ATL1: variants seen among roughly 807,000 people sequenced by gnomAD.
ATL1 encodes the protein atlastin-1.
Under a neutral mutation model 75.5 loss-of-function variants are expected in ATL1, and 31 were observed. The observed-to-expected ratio is 0.41, with a 90% CI of 0.31 to 0.55. The LOEUF (loss-of-function observed/expected upper bound fraction) is 0.55, where lower values mean the gene tolerates loss of function less well. Ranked by LOEUF, ATL1 falls within the 20% of genes least tolerant of loss-of-function variation. The pLI is 0.27. For synonymous variants in ATL1, 226 were observed against 233.3 expected, an observed-to-expected ratio of 0.97 and a Z score of 0.28; for missense variants, 405 against 662.6, an observed-to-expected ratio of 0.61 and a Z score of 4.27.
At chr14:50,613,449 A>G in intron 7 of ATL1, 98 bp downstream of exon 7, 2 of 863,108 alleles carry the variant, frequency 2.3e-6, no homozygotes, top group Admixed American at 1.9e-5. Context: ...CACTAGCCGC[A>G]ATCTCATTTG....
intron 5 of ATL1, among the ~76,000 whole-genome samples, chr14:50,594,881 C>A (rs149235529): frequency 1.4e-3 from 210 of 151,898 alleles, no homozygotes; most frequent in Admixed American, 4.0e-3. Flanking sequence ...TGCCTGTGGT[C>A]CCAGCTATTC....
At chr14:50,587,410 T>G (rs1200439081) in intron 1 of ATL1, among the ~76,000 whole-genome samples, 1 of 152,158 alleles carries the variant, frequency 6.6e-6, no homozygotes, top group East Asian at 1.9e-4. Flanking sequence ...CTTTCTTTCT[T>G]TTTTTCTTTT....
Position 50,621,861 on chromosome 14 carries a change from C to G in ATL1, c.1009C>G (p.Gln337Glu). Residue 337 changes from glutamine to glutamate, a missense_variant, in exon 10 of 14, where the codon CAA becomes GAA. Physicochemically the swap from Gln to Glu is conservative, Grantham distance 29 (BLOSUM62 2). This residue lies in a region of ATL1 where 56 missense variants were observed against 66.6 expected (regional missense o/e 0.84). Coordinates refer to ENST00000358385, the MANE Select transcript of ATL1 (RefSeq NM_015915.5). ...EYFKAYIKIYQGEELPHPKSM... is the reference protein window; with the variant it reads ...EYFKAYIKIYEGEELPHPKSM... Reference sequence around the variant, plus strand: ...TTTTTAGGCTTATATAAAGATCTATCAAGGTGAAGAATTACCACATCCCAA... The same window carrying G: ...TTTTTAGGCTTATATAAAGATCTATGAAGGTGAAGAATTACCACATCCCAA... The G allele has an allele frequency of 6.3e-7, 1 of 1,596,424 alleles. No individual in the cohort carries two copies. Among genetic ancestry groups the G allele is most frequent in the East Asian group, 2.2e-5 (1 of 44,692 alleles).
chr14:50,586,365 C>G (rs1436767732), intron 1 of ATL1, among the ~76,000 whole-genome samples: 2 of 152,062 alleles, frequency 1.3e-5, no homozygotes, highest in Non-Finnish European at 2.9e-5. Flanking sequence ...TTGTAAGGGT[C>G]TTCCTCCTGG....
chr14:50,629,256 G>A (rs2039553769), intron 12 of ATL1, among the ~76,000 whole-genome samples: 1 of 152,092 alleles, frequency 6.6e-6, no homozygotes, highest in South Asian at 2.1e-4. Flanking sequence ...CCTGTAGGCA[G>A]CAGGTAATAG....
intron 10 of ATL1, among the ~76,000 whole-genome samples, chr14:50,622,547 T>C (rs993731656): frequency 1.3e-5 from 2 of 151,248 alleles, no homozygotes; most frequent in African/African-American, 4.9e-5. Context: ...AAGCCTGTAG[T>C]CCCAGCTACT....
Position 50,620,726 on chromosome 14 carries a change from G to T in ATL1, c.990G>T (p.Lys330Asn). Residue 330 changes from lysine (K) to asparagine (N), a missense_variant and splice_region_variant, in exon 9 of 14, where the codon AAG becomes AAT. Transcript: ENST00000358385. The part of the protein sequence containing the change: ...ITCRGLVEYF[K>N]AYIKIYQGEE... ...GCCGGGGTCTGGTGGAGTACTTCAA[G>T]GTATCACTCTCATTTCTAGAGCATT... 1 of 1,613,100 alleles carries T rather than the reference G, an allele frequency of 6.2e-7. No homozygotes were observed. Among genetic ancestry groups the T allele is most frequent in the Non-Finnish European group, 8.5e-7 (1 of 1,179,352 alleles).
intron 8 of ATL1, among the ~76,000 whole-genome samples, chr14:50,615,681 T>C (rs2039408094): frequency 6.6e-6 from 1 of 152,334 alleles, no homozygotes; most frequent in Non-Finnish European, 1.5e-5. Context: ...TCCAACCCAC[T>C]AGTGGATGCA....
chr14:50,555,694 A>G (rs2038757544), upstream of ATL1, among the ~76,000 whole-genome samples: 1 of 152,234 alleles, frequency 6.6e-6, no homozygotes, highest in Admixed American at 6.5e-5. Context: ...TAATTTTTAT[A>G]GTAGCCAAAG....
At chr14:50,567,479 C>G (rs1467803419) in intron 1 of ATL1, among the ~76,000 whole-genome samples, 3 of 152,094 alleles carry the variant, frequency 2.0e-5, no homozygotes, top group Non-Finnish European at 2.9e-5. Context: ...GGTATATACC[C>G]AGAAGTGGAA....
intron 1 of ATL1, among the ~76,000 whole-genome samples, chr14:50,585,907 T>C (rs1337437702): frequency 6.6e-6 from 1 of 152,202 alleles, no homozygotes; most frequent in Non-Finnish European, 1.5e-5. Context: ...TGGTCTGTTG[T>C]CTCTAGATGC....
intron 2 of ATL1, among the ~76,000 whole-genome samples, chr14:50,590,722 T>C (rs528116732): frequency 6.6e-6 from 1 of 152,316 alleles, no homozygotes; most frequent in East Asian, 1.9e-4. Flanking sequence ...AATGATATCT[T>C]TTCATTTTTA....
At chr14:50,595,206 TA>T (rs2039202720) in intron 5 of ATL1, among the ~76,000 whole-genome samples, 1 of 152,154 alleles carries the variant, frequency 6.6e-6, no homozygotes. Context: ...GTTCTGCTTC[TA>T]AAGGTCATTT....
chr14:50,580,551 C>T (rs1416923719), intron 1 of ATL1, among the ~76,000 whole-genome samples: 1 of 151,970 alleles, frequency 6.6e-6, no homozygotes. Context: ...CCTTGAATTC[C>T]TATAATAGAT....
chr14:50,547,062 A>G (rs546002701), intron 1 of ATL1, among the ~76,000 whole-genome samples: 3 of 152,174 alleles, frequency 2.0e-5, no homozygotes, highest in South Asian at 2.1e-4. Flanking sequence ...ACATGGACAC[A>G]GGGGGAGGGG....
At chr14:50,588,146 T>C in intron 2 of ATL1, 68 bp downstream of exon 2, 1 of 1,595,486 alleles carries the variant, frequency 6.3e-7, no homozygotes, top group Non-Finnish European at 8.6e-7. Flanking sequence ...TTTTATTTCA[T>C]GGTGTTCAAA....
intron 2 of ATL1, among the ~76,000 whole-genome samples, chr14:50,589,155 CTTTTT>C (rs34191629): frequency 1.8e-5 from 2 of 109,428 alleles, no homozygotes; most frequent in Non-Finnish European, 3.7e-5. Context: ...TTCTTTCTTT[CTTTTT>C]TTTTTTTTTT....
chr14:50,592,738 C>T (rs1166068566), intron 4 of ATL1, among the ~76,000 whole-genome samples: 1 of 150,834 alleles, frequency 6.6e-6, no homozygotes, highest in Non-Finnish European at 1.5e-5. Context: ...GGTGAAACCC[C>T]GTCTCTACTA....
Position 50,632,565 on chromosome 14 carries a change from C to A in ATL1, c.*226C>A. 2.4e-6 allele frequency: 1 copy of A among 410,682 alleles called. No individual in the cohort carries two copies. Among genetic ancestry groups the A allele is most frequent in the Non-Finnish European group, 4.6e-6 (1 of 219,030 alleles). The allele number at this position is 410,682 out of a possible 1,614,324, so 25.4% of individuals were successfully genotyped here. On this transcript the variant is annotated 3_prime_UTR_variant, in exon 14 of 14. Coordinates refer to ENST00000358385, the MANE Select transcript of ATL1 (RefSeq NM_015915.5). Reference sequence around the variant, plus strand: ...CATGTACAATTTCCTGATTTTTCTTCAAAAATGCTGTTATAAAGTATTTGT... The same window carrying A: ...CATGTACAATTTCCTGATTTTTCTTAAAAAATGCTGTTATAAAGTATTTGT...
Sources: allele counts gnomAD v4.1 joint callset (sites outside exome capture counted in the v4.1 genomes callset), GRCh38; gene constraint gnomAD v4.1.1; regional missense constraint gnomAD v4.1.1; transcripts MANE v1.5; gene names NCBI Gene and HGNC (gene_info 2026-07-23, HGNC 2026-07-21).